CCDC148: variants seen among roughly 807,000 people sequenced by gnomAD.
CCDC148 encodes coiled-coil domain-containing protein 148.
A neutral mutation model predicts 85.7 loss-of-function variants in CCDC148; 89 were observed. The observed-to-expected ratio is 1.04, with a 90% confidence interval of 0.87 to 1.24. The LOEUF is 1.24. CCDC148 is among the 50% of genes most tolerant of loss of function. The probability of loss-of-function intolerance (pLI) is 0.00; values close to 1 mark genes in which losing one functional copy is unlikely to be tolerated. For synonymous variants in CCDC148, 230 were observed against 213.9 expected (o/e 1.08, Z -0.66); for missense variants, 692 against 671.7 (o/e 1.03, Z -0.33).
chr2:158,353,711 T>A (rs1683457284), intron 2 of CCDC148, among the ~76,000 whole-genome samples: 1 of 152,092 alleles, frequency 6.6e-6, no homozygotes, highest in South Asian at 2.1e-4. Context: ...TGAACTCAGC[T>A]CTGCACCAAG....
At chr2:158,440,972 C>T (rs1053493970) in intron 1 of CCDC148, among the ~76,000 whole-genome samples, 1 of 151,974 alleles carries the variant, frequency 6.6e-6, no homozygotes, top group Admixed American at 6.6e-5. Context: ...GCTTGACAGG[C>T]GTTCAAGGCT....
intron 1 of CCDC148, among the ~76,000 whole-genome samples, chr2:158,406,389 T>A (rs1309115280): frequency 6.6e-6 from 1 of 152,040 alleles, no homozygotes; most frequent in African/African-American, 2.4e-5. Flanking sequence ...CCACAGGTCC[T>A]AGTGGGGGGC....
chr2:158,429,360 A>AAGAGATAGATAGATAG (rs1553521113), intron 1 of CCDC148, among the ~76,000 whole-genome samples: 2 of 149,618 alleles, frequency 1.3e-5, no homozygotes, highest in Admixed American at 6.7e-5. Context: ...AAAGAGCATG[A>AAGAGATAGATAGATAG]ATAGATAGAT....
intron 10 of CCDC148, among the ~76,000 whole-genome samples, chr2:158,236,761 G>T (rs534726944): frequency 1.3e-5 from 2 of 152,268 alleles, no homozygotes; most frequent in Admixed American, 1.3e-4. Context: ...CATCAAAGGA[G>T]AGTGATATAC....
intron 1 of CCDC148, among the ~76,000 whole-genome samples, chr2:158,365,430 G>C (rs1309691918): frequency 6.6e-6 from 1 of 152,106 alleles, no homozygotes; most frequent in Non-Finnish European, 1.5e-5. Flanking sequence ...TGATAGACTG[G>C]ATAAAGAAAA....
chr2:158,431,398 C>A (rs936371087), intron 1 of CCDC148, among the ~76,000 whole-genome samples: 2 of 151,300 alleles, frequency 1.3e-5, no homozygotes, highest in Admixed American at 6.6e-5. Context: ...TGATCACAGA[C>A]TTCACAGATA....
At position 158,183,302 on chromosome 2, in the gene CCDC148, T is replaced by C. The variant is rs535000287; in HGVS notation, c.1371-4306A>G. ...AAATGGAGAATTTATGTATCATTTA[T>C]GAGACATTTTAATGTGTGCACAGCA... On this transcript the variant is annotated intron_variant, in intron 11 of 13. Coordinates refer to ENST00000283233, the MANE Select transcript of CCDC148 (RefSeq NM_138803.4). Among the ~76,000 whole-genome samples, 6 of 152,286 alleles carry C rather than the reference T, an allele frequency of 3.9e-5. 1 individual carries two copies. In the South Asian group the frequency reaches 1.2e-3, roughly 32 times the overall value.
chr2:158,225,734 A>G (rs1450169248), intron 10 of CCDC148, among the ~76,000 whole-genome samples: 2 of 152,252 alleles, frequency 1.3e-5, no homozygotes, highest in African/African-American at 2.4e-5. Flanking sequence ...GAAGGCAGAA[A>G]TAAAGATGTT....
At chr2:158,400,533 C>G (rs1187734578) in intron 1 of CCDC148, among the ~76,000 whole-genome samples, 1 of 152,114 alleles carries the variant, frequency 6.6e-6, no homozygotes, top group Non-Finnish European at 1.5e-5. Flanking sequence ...GGATCCTTTC[C>G]TTACACCTTA....
At chr2:158,224,691 T>C (rs564545376) in intron 10 of CCDC148, among the ~76,000 whole-genome samples, 32 of 152,260 alleles carry the variant, frequency 2.1e-4, no homozygotes, top group Non-Finnish European at 4.4e-4. Context: ...GAATTTCATA[T>C]CCAGCCAAAC....
At chr2:158,450,417 T>C (rs980389019) in intron 1 of CCDC148, among the ~76,000 whole-genome samples, 1 of 152,226 alleles carries the variant, frequency 6.6e-6, no homozygotes, top group Non-Finnish European at 1.5e-5. Context: ...AGATGATGGG[T>C]GACTTGCCAG....
intron 1 of CCDC148, chr2:158,366,045 TG>T: frequency 1.9e-6 from 3 of 1,543,478 alleles, no homozygotes; most frequent in Non-Finnish European, 2.6e-6. Context: ...TTGTCATGAA[TG>T]GTTGGTCTCT....
intron 13 of CCDC148, 63 bp downstream of exon 13, chr2:158,176,458 C>T: frequency 6.6e-7 from 1 of 1,513,750 alleles, no homozygotes; most frequent in Non-Finnish European, 9.0e-7. Flanking sequence ...CCCAAACACA[C>T]ACTTCTACAG....
intron 1 of CCDC148, among the ~76,000 whole-genome samples, chr2:158,446,564 T>A (rs751707560): frequency 1.3e-5 from 2 of 152,204 alleles, no homozygotes; most frequent in Admixed American, 6.5e-5. Context: ...AGTGTTCATA[T>A]AAGGGAGTTT....
At chr2:158,435,085 T>C (rs1238202689) in intron 1 of CCDC148, among the ~76,000 whole-genome samples, 1 of 152,140 alleles carries the variant, frequency 6.6e-6, no homozygotes, top group Non-Finnish European at 1.5e-5. Context: ...TTCCCCAATC[T>C]AGCAAGGCAG....
chr2:158,351,113 G>C (rs939034993), intron 2 of CCDC148, among the ~76,000 whole-genome samples: 2 of 152,068 alleles, frequency 1.3e-5, no homozygotes, highest in Non-Finnish European at 2.9e-5. Flanking sequence ...CAAACAGCAT[G>C]GTTTTTATTG....
chr2:158,220,788 C>T, intron 10 of CCDC148, 75 bp from the exon 11 acceptor site: 1 of 1,131,272 alleles, frequency 8.8e-7, no homozygotes, highest in East Asian at 2.6e-5. Flanking sequence ...ATAACCATAT[C>T]CACTGGTTCG....
intron 1 of CCDC148, among the ~76,000 whole-genome samples, chr2:158,451,011 G>T (rs557731592): frequency 1.1e-4 from 17 of 151,912 alleles, no homozygotes; most frequent in Middle Eastern, 3.4e-3. Context: ...TATTCTTTAG[G>T]TTGGATAGTT....
chr2:158,195,786 A>G (rs1685641834), intron 11 of CCDC148, among the ~76,000 whole-genome samples: 1 of 152,192 alleles, frequency 6.6e-6, no homozygotes, highest in African/African-American at 2.4e-5. Flanking sequence ...TCAAGACTTC[A>G]AAGTGTTCAG....
Sources: gnomAD v4.1 joint callset for allele counts (sites outside exome capture counted in the v4.1 genomes callset) on GRCh38, gnomAD v4.1.1 for gene constraint, MANE v1.5 for transcripts, NCBI Gene and HGNC (gene_info 2026-07-23, HGNC 2026-07-21) for gene names.